ALDH1A2: variants seen among roughly 807,000 people sequenced by gnomAD.
ALDH1A2 encodes the protein retinal dehydrogenase 2.
A neutral mutation model predicts 60.3 loss-of-function variants in ALDH1A2; 27 were observed. The observed-to-expected ratio is 0.45, with a 90% CI of 0.33 to 0.62. ALDH1A2 has a LOEUF of 0.62. Among genes scored for constraint, ALDH1A2 ranks in the 20% least tolerant of loss-of-function variants. ALDH1A2 has a pLI of 0.02. For missense variants in ALDH1A2, 581 were observed against 643.8 expected, an observed-to-expected ratio of 0.90 and a Z score of 1.06; for synonymous variants, 289 against 232.4, an observed-to-expected ratio of 1.24 and a Z score of -2.21.
intron 1 of ALDH1A2, among the ~76,000 whole-genome samples, chr15:58,030,447 A>G (rs909356203): frequency 1.3e-5 from 2 of 152,230 alleles, no homozygotes; most frequent in Non-Finnish European, 2.9e-5. Context: ...TGAATGGGCA[A>G]AAACTAGAAG....
rs576853901 is a variant in ALDH1A2 at position 58,000,249 on chromosome 15, G to A, written c.494-5110C>T. 9.5e-4 allele frequency among the ~76,000 whole-genome samples: 144 copies of A among 151,988 alleles called. 1 individual carries two copies. Among genetic ancestry groups the A allele is most frequent in the African/African-American group, 3.1e-3 (130 of 41,508 alleles). On this transcript the variant is annotated intron_variant, in intron 4 of 12. Coordinates refer to ENST00000249750, the MANE Select transcript of ALDH1A2 (RefSeq NM_003888.4). Reference sequence around the variant, plus strand: ...TTGTAATCTCACTTTGCATTTTCACGTGGATGGTGAAAGGTGACACCCCTA... The same window carrying A: ...TTGTAATCTCACTTTGCATTTTCACATGGATGGTGAAAGGTGACACCCCTA...
At chr15:58,033,016 G>C (rs1300447610) in intron 1 of ALDH1A2, among the ~76,000 whole-genome samples, 2 of 152,032 alleles carry the variant, frequency 1.3e-5, no homozygotes, top group Non-Finnish European at 2.9e-5. Context: ...ACTGGGACAG[G>C]TGAGTGGGGG....
intron 1 of ALDH1A2, among the ~76,000 whole-genome samples, chr15:58,037,967 G>C (rs548371034): frequency 6.6e-6 from 1 of 151,738 alleles, no homozygotes; most frequent in African/African-American, 2.4e-5. Context: ...CTCTGTCCAA[G>C]TTTGCTAACA....
intron 7 of ALDH1A2, among the ~76,000 whole-genome samples, chr15:57,973,955 T>C (rs1403374554): frequency 4.6e-5 from 7 of 152,208 alleles, no homozygotes; most frequent in Non-Finnish European, 1.0e-4. Context: ...TCCCAAATTC[T>C]CCCTTCTCTC....
At chr15:58,031,120 C>T (rs1896229359) in intron 1 of ALDH1A2, among the ~76,000 whole-genome samples, 1 of 152,070 alleles carries the variant, frequency 6.6e-6, no homozygotes. Flanking sequence ...TACCTGACTT[C>T]AAGGCTACAG....
At chr15:58,041,788 C>G (rs902440797) in intron 1 of ALDH1A2, among the ~76,000 whole-genome samples, 2 of 151,902 alleles carry the variant, frequency 1.3e-5, no homozygotes, top group Non-Finnish European at 2.9e-5. Context: ...CCTGAAACCG[C>G]AGACAGTAAC....
At chr15:58,061,345 A>C (rs1488226863) in intron 1 of ALDH1A2, among the ~76,000 whole-genome samples, 1 of 152,052 alleles carries the variant, frequency 6.6e-6, no homozygotes, top group South Asian at 2.1e-4. Flanking sequence ...CAAAACAGAC[A>C]ATCTTAAGTA....
chr15:57,981,284 G>T (rs2140475229), intron 7 of ALDH1A2, among the ~76,000 whole-genome samples: 1 of 114,870 alleles, frequency 8.7e-6, no homozygotes, highest in East Asian at 2.4e-4. Flanking sequence ...TGAAATAGAA[G>T]AGCAAACACA....
chr15:58,045,187 C>A (rs539805248), intron 1 of ALDH1A2, among the ~76,000 whole-genome samples: 20 of 152,178 alleles, frequency 1.3e-4, no homozygotes, highest in Middle Eastern at 3.4e-3. Context: ...ATCAAAGCCA[C>A]AGAGAGATAC....
chr15:57,988,261 T>C (rs1159812970), intron 7 of ALDH1A2, among the ~76,000 whole-genome samples: 1 of 152,178 alleles, frequency 6.6e-6, no homozygotes. Context: ...ATAAAGTATT[T>C]AATGGTAGAC....
intron 7 of ALDH1A2, among the ~76,000 whole-genome samples, chr15:57,978,680 C>T (rs541740781): frequency 5.3e-5 from 8 of 152,052 alleles, no homozygotes; most frequent in African/African-American, 1.4e-4. Flanking sequence ...GGCATGTGGC[C>T]GGGGGAGATG....
intron 1 of ALDH1A2, among the ~76,000 whole-genome samples, chr15:58,016,712 TTCA>T (rs1382362439): frequency 6.6e-6 from 1 of 152,172 alleles, no homozygotes; most frequent in African/African-American, 2.4e-5. Context: ...TAGAAATTAC[TTCA>T]TCATCACTCA....
intron 1 of ALDH1A2, among the ~76,000 whole-genome samples, chr15:58,040,420 A>G (rs1457066637): frequency 1.3e-5 from 2 of 151,946 alleles, no homozygotes; most frequent in African/African-American, 4.8e-5. Context: ...TGGATAACAC[A>G]CATTCAGTAA....
chr15:58,065,666 G>T lies in ALDH1A2; in HGVS notation c.-16C>A. On this transcript the variant is annotated 5_prime_UTR_variant, in exon 1 of 13. Transcript: ENST00000249750. ...TGGAAGTCATGGTGGCGGGCCGGGTGTCCCTAGCCCGCGGCGTGGGGCAGT... is the reference window on the plus strand; with the variant it reads ...TGGAAGTCATGGTGGCGGGCCGGGTTTCCCTAGCCCGCGGCGTGGGGCAGT... 6.4e-7 allele frequency: 1 copy of T among 1,557,916 alleles called. No homozygotes were observed. The highest frequency in any genetic ancestry group is 8.7e-7 in the Non-Finnish European group (1 of 1,147,564).
rs543966731 is a variant in ALDH1A2, at chr15:57,968,669, C to T, written c.799-2842G>A. Among the ~76,000 whole-genome samples, 21 of 152,272 alleles carry T rather than the reference C, an allele frequency of 1.4e-4. 1 individual carries two copies. In the South Asian group the frequency reaches 4.4e-3, roughly 32 times the overall value. On this transcript the variant is annotated intron_variant, in intron 7 of 12. Transcript: ENST00000249750. ...TGCCTTCAGGATTATATTCAAGAAACAAGCAAAAGCCAGGAAAAATCATGA... is the reference window on the plus strand; with the variant it reads ...TGCCTTCAGGATTATATTCAAGAAATAAGCAAAAGCCAGGAAAAATCATGA...
intron 7 of ALDH1A2, among the ~76,000 whole-genome samples, chr15:57,974,338 C>T (rs1363558964): frequency 1.4e-5 from 2 of 146,634 alleles, no homozygotes; most frequent in Non-Finnish European, 3.0e-5. Context: ...GAGGCTGAGG[C>T]AGGAGAATGG....
intron 1 of ALDH1A2, among the ~76,000 whole-genome samples, chr15:58,020,132 T>C (rs1895887794): frequency 6.6e-6 from 1 of 152,186 alleles, no homozygotes. Flanking sequence ...TCCAGCTCCA[T>C]CCAAGTACCT....
rs148372186 is a variant in ALDH1A2, at chr15:57,957,177, T to G, written c.1485-1908A>C. Among the ~76,000 whole-genome samples, 164 of 152,056 alleles carry G rather than the reference T, an allele frequency of 1.1e-3. 1 individual carries two copies. Among genetic ancestry groups the G allele is most frequent in the Non-Finnish European group, 2.0e-3 (135 of 67,962 alleles). ...CTGAAGCTGGGGTCAGAGACAGGAG[T>G]GCCCACTCAGCTCTGCCATGAACCA... On this transcript the variant is annotated intron_variant, in intron 12 of 12. Transcript: ENST00000249750.
At chr15:57,981,785 C>A (rs993039748) in intron 7 of ALDH1A2, among the ~76,000 whole-genome samples, 8 of 152,150 alleles carry the variant, frequency 5.3e-5, no homozygotes, top group Non-Finnish European at 8.8e-5. Flanking sequence ...TTTACTGACA[C>A]TTTACTAAGA....
Sources: allele counts gnomAD v4.1 joint callset (sites outside exome capture counted in the v4.1 genomes callset), GRCh38; gene constraint gnomAD v4.1.1; transcripts MANE v1.5; gene names NCBI Gene and HGNC (gene_info 2026-07-23, HGNC 2026-07-21).